The following RND1 variants were observed in gnomAD, a reference collection of about 807,000 sequenced individuals.
The protein encoded by RND1 is rho-related GTP-binding protein Rho6.
Under a neutral mutation model 27.1 loss-of-function variants are expected in RND1, and 9 were observed. The ratio of observed to expected loss-of-function variants is 0.33; its 90% confidence interval spans 0.20 to 0.58. RND1 has a LOEUF of 0.58. RND1 is among the 20% of genes least tolerant of loss of function. RND1 has a pLI of 0.86. For missense variants in RND1, 253 were observed against 292.2 expected, an observed-to-expected ratio of 0.87 and a Z score of 0.98; for synonymous variants, 108 against 115.7, an observed-to-expected ratio of 0.93 and a Z score of 0.43.
intron 1 of RND1, chr12:48,865,332 C>A: frequency 2.3e-6 from 1 of 426,288 alleles, no homozygotes; most frequent in South Asian, 2.3e-5. Context: ...AGAAGAAACC[C>A]CAGACTTTCA....
intron 3 of RND1, 57 bp from the exon 4 acceptor site, chr12:48,861,188 G>A (rs754971362): frequency 1.6e-5 from 24 of 1,536,560 alleles, no homozygotes; most frequent in Non-Finnish European, 1.7e-5. Context: ...AGAGTTAGTG[G>A]CAGACAGATA....
rs376575392 is a variant in RND1 at position 48,865,660 on chromosome 12, A to G, written c.108T>C (p.Asp36=). The change falls in exon 1 of 5, where the codon GAT becomes GAC. Residue 36 remains aspartate, a synonymous_variant. Transcript: ENST00000309739. ...GCGGGCAGCTCACCTCTGGATAGCA[A>G]TCCTTCGCTAACACTTGCAACATCG... ...KTAMLQVLAK[D]CYPETYVPTV... 120 of 1,613,734 alleles carry G rather than the reference A, an allele frequency of 7.4e-5. 2 individuals carry two copies. In the Middle Eastern group the frequency reaches 2.0e-3, roughly 27 times the overall value.
In RND1 at chr12:48,857,750, A is replaced by G; in HGVS notation, c.*246T>C. 1 of 360,304 alleles carries G rather than the reference A, an allele frequency of 2.8e-6. No individual in the cohort carries two copies. Among genetic ancestry groups the G allele is most frequent in the Non-Finnish European group, 5.0e-6 (1 of 201,300 alleles). The allele number at this position is 360,304 out of a possible 1,614,324, so 22.3% of individuals were successfully genotyped here. A position where few individuals can be genotyped will look rare whatever the true frequency, so the allele number is the denominator to read the frequency against. ...TTCCTTCCTCTGGAGCGGGGGGGGC[A>G]CTGGGGTAGTCGCCCCCTCCAAAAT... On this transcript the variant is annotated 3_prime_UTR_variant, in exon 5 of 5. Transcript: ENST00000309739.
Position 48,861,035 on chromosome 12 carries a change from G to A in RND1, c.415C>T (p.Leu139=). 1 of 1,613,886 alleles carries A rather than the reference G, an allele frequency of 6.2e-7. No homozygotes were observed. The highest frequency in any genetic ancestry group is 2.2e-5 in the East Asian group (1 of 44,902). Residue 139 remains leucine, a synonymous_variant, in exon 4 of 5, where the codon CTG becomes TTG. Coordinates refer to ENST00000309739, the MANE Select transcript of RND1 (RefSeq NM_014470.4). ...LRTDLSTLME[L]SHQKQAPISY... ...ATGGGCGCCTGCTTCTGGTGGGACA[G>A]CTCCATCAGAGTACTCAGGTCTGTT...
chr12:48,860,123 G>A (rs569074259), intron 4 of RND1, among the ~76,000 whole-genome samples: 10 of 135,280 alleles, frequency 7.4e-5, no homozygotes, highest in South Asian at 5.1e-4. Flanking sequence ...TCACTCTGTC[G>A]CCCAGGTGGG....
At position 48,857,754 on chromosome 12, in the gene RND1, G is replaced by T; in HGVS notation, c.*242C>A. 2.6e-6 allele frequency: 1 copy of T among 390,434 alleles called. No homozygotes were observed. The highest frequency in any genetic ancestry group is 4.3e-5 in the Admixed American group (1 of 23,188). The allele number at this position is 390,434 out of a possible 1,614,324, so 24.2% of individuals were successfully genotyped here. ...TTCCTCTGGAGCGGGGGGGGCACTG[G>T]GGTAGTCGCCCCCTCCAAAATCTAG... On this transcript the variant is annotated 3_prime_UTR_variant, in exon 5 of 5. Coordinates refer to ENST00000309739, the MANE Select transcript of RND1 (RefSeq NM_014470.4).
At chr12:48,863,109 TG>T (rs1178074896) in intron 2 of RND1, among the ~76,000 whole-genome samples, 15 of 152,152 alleles carry the variant, frequency 9.9e-5, no homozygotes, top group African/African-American at 3.1e-4. Flanking sequence ...ACTGCAGCAC[TG>T]GGGAAGGGGG....
At chr12:48,858,556 A>C in intron 4 of RND1, 1 of 269,768 alleles carries the variant, frequency 3.7e-6, no homozygotes, top group Non-Finnish European at 7.0e-6. Flanking sequence ...AGTGCCTCTA[A>C]TCCCAGCTAC....
chr12:48,864,943 C>T (rs887676387), intron 1 of RND1, 73 bp from the exon 2 acceptor site: 3 of 1,078,924 alleles, frequency 2.8e-6, no homozygotes, highest in African/African-American at 1.6e-5. Context: ...TGGCTACACA[C>T]GCACTCACCA....
Position 48,858,088 on chromosome 12 carries a change from G to C in RND1, c.607C>G (p.Leu203Val). The C allele has an allele frequency of 6.2e-7, 1 of 1,614,230 alleles. No individual in the cohort carries two copies. ...GGGAGGTGGAGCAGTCGTTTGGAGA[G>C]GCTTCGGACAGGGCTCTTCTGGGGC... is the stretch of plus-strand genomic sequence containing the variant. ...PLPQKSPVRS[L>V]SKRLLHLPSR... The change falls in exon 5 of 5, where the codon CTC (leucine) becomes GTC (valine). Residue 203 changes from leucine (L) to valine (V), a missense_variant. Transcript: ENST00000309739.
At chr12:48,860,557 ATTTTT>A (rs34655698) in intron 4 of RND1, among the ~76,000 whole-genome samples, 2 of 70,648 alleles carry the variant, frequency 2.8e-5, no homozygotes, top group African/African-American at 6.0e-5. Flanking sequence ...ACACCCAGCT[ATTTTT>A]TTTTTTTTTT....
intron 4 of RND1, among the ~76,000 whole-genome samples, chr12:48,860,403 T>A (rs1000633517): frequency 6.6e-6 from 1 of 151,916 alleles, no homozygotes; most frequent in African/African-American, 2.4e-5. Context: ...TTTTCTTTTT[T>A]TTTGAGACAG....
rs775762543 is a variant in RND1, at chr12:48,861,087, C to A, written c.363G>T (p.Leu121Phe). The A allele has an allele frequency of 5.6e-6, 9 of 1,613,988 alleles. No individual in the cohort carries two copies. The highest frequency in any genetic ancestry group is 7.6e-6 in the Non-Finnish European group (9 of 1,179,940). The change falls in exon 4 of 5, where the codon TTG becomes TTT. Residue 121 changes from leucine to phenylalanine, a missense_variant. Leu to Phe is a conservative substitution (Grantham distance 22). Transcript: ENST00000309739. Reference protein sequence around the residue: ...ILDYCPSTRVLLIGCKTDLRT... With the variant: ...ILDYCPSTRVFLIGCKTDLRT... ...GCAGGTCTGTCTTGCAGCCAATGAG[C>A]AAAACGCGGGTGCTGGGACAATAAT...
At position 48,865,816 on chromosome 12, in the gene RND1, C is replaced by G; in HGVS notation, c.-49G>C. The G allele has an allele frequency of 6.5e-7, 1 of 1,539,682 alleles. No individual in the cohort carries two copies. Among genetic ancestry groups the G allele is most frequent in the Non-Finnish European group, 8.8e-7 (1 of 1,136,992 alleles). On this transcript the variant is annotated 5_prime_UTR_variant, in exon 1 of 5. Coordinates refer to ENST00000309739, the MANE Select transcript of RND1 (RefSeq NM_014470.4). ...AACTTCGATTCAGAAGGGAGGGTTG[C>G]GCCAGGTGCGTCTCAGCACGCCAAT...
At chr12:48,863,540 A>C in intron 2 of RND1, among the ~76,000 whole-genome samples, 1 of 152,104 alleles carries the variant, frequency 6.6e-6, no homozygotes, top group East Asian at 1.9e-4. Flanking sequence ...ATTATACATC[A>C]TGCCATCAAG....
Position 48,865,863 on chromosome 12 carries a change from C to G in RND1, c.-96G>C. 1 of 1,487,004 alleles carries G rather than the reference C, an allele frequency of 6.7e-7. No individual in the cohort carries two copies. The highest frequency in any genetic ancestry group is 1.4e-5 in the South Asian group (1 of 71,674). 92.1% of individuals were successfully genotyped at this position (1,487,004 alleles called of 1,614,324 possible). A position where few individuals can be genotyped will look rare whatever the true frequency, so the allele number is the denominator to read the frequency against. On this transcript the variant is annotated 5_prime_UTR_variant, in exon 1 of 5. Coordinates refer to ENST00000309739, the MANE Select transcript of RND1 (RefSeq NM_014470.4). Reference sequence around the variant, plus strand: ...CAATCAAGCCAGATTCCCTGCCTCCCTCCAACTGAGGAGGAGGCCGGCACA... The same window carrying G: ...CAATCAAGCCAGATTCCCTGCCTCCGTCCAACTGAGGAGGAGGCCGGCACA...
rs770810924 is a variant in RND1 at position 48,857,755 on chromosome 12, G to C, written c.*241C>G. 1.7e-4 allele frequency: 65 copies of C among 393,392 alleles called. No homozygotes were observed. Among genetic ancestry groups the C allele is most frequent in the Non-Finnish European group, 2.6e-4 (58 of 223,016 alleles). The allele number at this position is 393,392 out of a possible 1,614,324, so 24.4% of individuals were successfully genotyped here. ...TCCTCTGGAGCGGGGGGGGCACTGG[G>C]GTAGTCGCCCCCTCCAAAATCTAGT... On this transcript the variant is annotated 3_prime_UTR_variant, in exon 5 of 5. Coordinates refer to ENST00000309739, the MANE Select transcript of RND1 (RefSeq NM_014470.4).
Position 48,865,750 on chromosome 12 carries a change from G to A in RND1, c.18C>T (p.Ala6=), listed in dbSNP as rs773002821. 60 of 1,604,880 alleles carry A rather than the reference G, an allele frequency of 3.7e-5. 1 individual carries two copies. The highest frequency in any genetic ancestry group is 1.7e-5 in the Admixed American group (1 of 59,694). ...TACATCTGGCCACGACTGGCTGGGGGGCCCGTCTCTCCTTCATGGTTGCAG... is the reference window on the plus strand; with the variant it reads ...TACATCTGGCCACGACTGGCTGGGGAGCCCGTCTCTCCTTCATGGTTGCAG... MKERR[A]PQPVVARCKL... The change falls in exon 1 of 5, where the codon GCC becomes GCT. Residue 6 remains alanine (A), a synonymous_variant. Coordinates refer to ENST00000309739, the MANE Select transcript of RND1 (RefSeq NM_014470.4).
rs1262919217 is a variant in RND1 at position 48,857,742 on chromosome 12, G to T, written c.*254C>A. On this transcript the variant is annotated 3_prime_UTR_variant, in exon 5 of 5. Transcript: ENST00000309739. ...CCACAGCTTTCCTTCCTCTGGAGCG[G>T]GGGGGGCACTGGGGTAGTCGCCCCC... 6 of 357,756 alleles carry T rather than the reference G, an allele frequency of 1.7e-5. No individual in the cohort carries two copies. The highest frequency in any genetic ancestry group is 3.0e-5 in the Non-Finnish European group (6 of 199,780). 22.2% of individuals were successfully genotyped at this position (357,756 alleles called of 1,614,324 possible). A position where few individuals can be genotyped will look rare whatever the true frequency, so the allele number is the denominator to read the frequency against.
Sources: gnomAD v4.1 joint callset for allele counts (sites outside exome capture counted in the v4.1 genomes callset) on GRCh38, gnomAD v4.1.1 for gene constraint, MANE v1.5 for transcripts, NCBI Gene and HGNC (gene_info 2026-07-23, HGNC 2026-07-21) for gene names.